The following PPP1CA variants were observed in gnomAD, a reference collection of about 807,000 sequenced individuals.
PPP1CA encodes the protein serine/threonine-protein phosphatase PP1-alpha catalytic subunit.
In PPP1CA, 14 loss-of-function variants were observed where a neutral mutation model predicts 38.5. The ratio of observed to expected loss-of-function variants is 0.36; its 90% CI spans 0.24 to 0.57. The LOEUF is 0.57. Among genes scored for constraint, PPP1CA ranks in the 20% least tolerant of loss-of-function variants. The pLI is 0.80. For synonymous variants in PPP1CA, 200 were observed against 177.3 expected, an observed-to-expected ratio of 1.13 and a Z score of -1.02; for missense variants, 277 against 435.2, an observed-to-expected ratio of 0.64 and a Z score of 3.23.
At chr11:67,400,566 C>T (rs1200467667) in intron 3 of PPP1CA, 123 bp downstream of exon 3, 5 of 986,548 alleles carry the variant, frequency 5.1e-6, no homozygotes, top group East Asian at 5.0e-5. Context: ...ACCTGGGCCC[C>T]GCCTTCGTGG....
chr11:67,401,211 T>C lies in PPP1CA; in HGVS notation c.56-12A>G. 6.2e-7 allele frequency: 1 copy of C among 1,613,476 alleles called. No individual in the cohort carries two copies. On this transcript the variant is annotated splice_polypyrimidine_tract_variant and intron_variant, in intron 1 of 6. Transcript: ENST00000376745. ...CCGCGAGCCCTGCACTGGGGCGCAA[T>C]GGGGTGTCAGGACCCTGGACCCTGA... is the stretch of plus-strand genomic sequence containing the variant.
intron 3 of PPP1CA, 127 bp downstream of exon 3, chr11:67,400,562 G>A (rs1272203088): frequency 1.5e-5 from 14 of 946,400 alleles, no homozygotes; most frequent in Non-Finnish European, 2.3e-5. Context: ...ACGGACCTGG[G>A]CCCCGCCTTC....
At chr11:67,400,969 C>T in intron 2 of PPP1CA, 50 bp from the exon 3 acceptor site, 2 of 1,609,904 alleles carry the variant, frequency 1.2e-6, no homozygotes, top group African/African-American at 2.7e-5. Flanking sequence ...AGACCTGAAC[C>T]CAGGGCCAGG....
Position 67,398,477 on chromosome 11 carries a change from G to T in PPP1CA, c.*58C>A. ...GTCGGGGTGACCCCCCCCCAGCATGGCAGCATGATTTCTGTACAATCAATC... is the reference window on the plus strand; with the variant it reads ...GTCGGGGTGACCCCCCCCCAGCATGTCAGCATGATTTCTGTACAATCAATC... On this transcript the variant is annotated 3_prime_UTR_variant, in exon 7 of 7. Transcript: ENST00000376745. 1 of 1,546,058 alleles carries T rather than the reference G, an allele frequency of 6.5e-7. No homozygotes were observed. The highest frequency in any genetic ancestry group is 8.9e-7 in the Non-Finnish European group (1 of 1,127,500).
chr11:67,400,876 C>G lies in PPP1CA; in HGVS notation c.231G>C (p.Glu77Asp). The change falls in exon 3 of 7, where the codon GAG becomes GAC. Residue 77 changes from glutamate (E) to aspartate (D), a missense_variant. By Grantham distance (45) the Glu-to-Asp change is conservative. This residue lies in a region of PPP1CA where 180 missense variants were observed against 356.7 expected (regional missense o/e 0.50). Coordinates refer to ENST00000376745, the MANE Select transcript of PPP1CA (RefSeq NM_002708.4). ...TGCTCTCGGGAGGGAAACCGCCATA[C>G]TCAAATAGTCGCAGAAGGTCGTAGT... ...GQYYDLLRLF[E>D]YGGFPPESNY... is the part of the protein sequence containing the mutation. 6.2e-7 allele frequency: 1 copy of G among 1,614,144 alleles called. No individual in the cohort carries two copies. Among genetic ancestry groups the G allele is most frequent in the East Asian group, 2.2e-5 (1 of 44,892 alleles).
intron 3 of PPP1CA, 65 bp downstream of exon 3, chr11:67,400,624 G>A: frequency 6.9e-7 from 1 of 1,456,032 alleles, no homozygotes; most frequent in Non-Finnish European, 9.6e-7. Flanking sequence ...CAATGTGAAG[G>A]TCCCACTGAA....
At chr11:67,400,045 G>A (rs1862847036) in intron 3 of PPP1CA, among the ~76,000 whole-genome samples, 1 of 152,214 alleles carries the variant, frequency 6.6e-6, no homozygotes. Flanking sequence ...GCTGAGGCAG[G>A]AGAATCGCTT....
intron 6 of PPP1CA, 37 bp from the exon 7 acceptor site, chr11:67,398,682 AG>A (rs1327980607): frequency 4.3e-6 from 7 of 1,613,370 alleles, no homozygotes; most frequent in Non-Finnish European, 5.9e-6. Flanking sequence ...CATGGGGCTG[AG>A]CCACAGGGCC....
At chr11:67,400,618 G>A in intron 3 of PPP1CA, 71 bp downstream of exon 3, 2 of 1,431,322 alleles carry the variant, frequency 1.4e-6, no homozygotes, top group South Asian at 1.2e-5. Flanking sequence ...TCAGGCCAAT[G>A]TGAAGGTCCC....
At chr11:67,400,474 G>A (rs1862861818) in intron 3 of PPP1CA, among the ~76,000 whole-genome samples, 1 of 152,260 alleles carries the variant, frequency 6.6e-6, no homozygotes, top group Non-Finnish European at 1.5e-5. Flanking sequence ...CTGGGGGAAA[G>A]CACTAGAATC....
Position 67,401,824 on chromosome 11 carries a change from C to G in PPP1CA, c.-42G>C. On this transcript the variant is annotated 5_prime_UTR_variant, in exon 1 of 7. Transcript: ENST00000376745. The stretch of plus-strand genomic sequence containing the variant: ...CAGCCCAGCAGCTCCTGGCCCGCTC[C>G]TGCCTCCCGCCCTCCGGCAGCCTCC... 1.5e-6 allele frequency: 2 copies of G among 1,377,346 alleles called. No individual in the cohort carries two copies. Among genetic ancestry groups the G allele is most frequent in the Non-Finnish European group, 1.9e-6 (2 of 1,054,168 alleles). The allele number at this position is 1,377,346 out of a possible 1,614,324, so 85.3% of individuals were successfully genotyped here.
chr11:67,400,988 C>G, intron 2 of PPP1CA, 69 bp from the exon 3 acceptor site: 4 of 1,608,900 alleles, frequency 2.5e-6, no homozygotes, highest in Non-Finnish European at 3.4e-6. Flanking sequence ...GGACTGCGCT[C>G]AAGGGAGGAG....
chr11:67,401,128 G>A lies in PPP1CA; in HGVS notation c.127C>T (p.Arg43Trp). ...ATGGGCTGGCTCAGAAAAATCTCCCGGGATTTCAGGCACAGACCGCGGATC... is the reference window on the plus strand; with the variant it reads ...ATGGGCTGGCTCAGAAAAATCTCCCAGGATTTCAGGCACAGACCGCGGATC... Reference protein sequence around the residue: ...NEIRGLCLKSREIFLSQPILL... With the variant: ...NEIRGLCLKSWEIFLSQPILL... Residue 43 changes from arginine (R) to tryptophan (W), a missense_variant, in exon 2 of 7, where the codon CGG becomes TGG. Arg to Trp is a moderately radical substitution (Grantham distance 101, BLOSUM62 -3). Around this residue, in one of 3 missense-constraint regions of PPP1CA, gnomAD observed 180 missense variants for 356.7 expected, o/e 0.50. Transcript: ENST00000376745. 1 of 1,613,938 alleles carries A rather than the reference G, an allele frequency of 6.2e-7. No homozygotes were observed. Among genetic ancestry groups the A allele is most frequent in the Non-Finnish European group, 8.5e-7 (1 of 1,179,998 alleles).
chr11:67,400,486 G>A (rs1249054716), intron 3 of PPP1CA, among the ~76,000 whole-genome samples: 3 of 152,220 alleles, frequency 2.0e-5, no homozygotes, highest in African/African-American at 7.2e-5. Context: ...ACTAGAATCC[G>A]GGCAGCCCTT....
At chr11:67,400,591 C>G in intron 3 of PPP1CA, 98 bp downstream of exon 3, 6 of 1,216,706 alleles carry the variant, frequency 4.9e-6, no homozygotes, top group Non-Finnish European at 7.2e-6. Context: ...CACAGTCTAT[C>G]AAGTGTCTGT....
At position 67,401,182 on chromosome 11, in the gene PPP1CA, C is replaced by T; in HGVS notation, c.73G>A (p.Gly25Ser). ...TTCTCTGTCAGCTGTACATTCTTGC[C>T]AGGCCGCGAGCCCTGCACTGGGGCG... ...RLLEVQGSRP[G>S]KNVQLTENEI... The change falls in exon 2 of 7, where the codon GGC becomes AGC. Residue 25 changes from glycine (G) to serine (S), a missense_variant. Coordinates refer to ENST00000376745, the MANE Select transcript of PPP1CA (RefSeq NM_002708.4). The T allele has an allele frequency of 6.2e-7, 1 of 1,613,894 alleles. No homozygotes were observed. The highest frequency in any genetic ancestry group is 8.5e-7 in the Non-Finnish European group (1 of 1,180,002).
In PPP1CA at chr11:67,398,955, G is replaced by T. The variant is rs1487219880; in HGVS notation, c.732C>A (p.Ile244=). The T allele has an allele frequency of 6.2e-7, 1 of 1,613,218 alleles. No homozygotes were observed. Among genetic ancestry groups the T allele is most frequent in the African/African-American group, 1.3e-5 (1 of 74,946 alleles). The part of the protein sequence containing the change: ...KFLHKHDLDL[I]CRAHQVVEDG... ...ACCAGCCCACCTGGTGTGCTCGGCA[G>T]ATGAGGTCCAAGTCGTGCTTGTGGA... is the stretch of plus-strand genomic sequence containing the variant. Residue 244 remains isoleucine (I), a synonymous_variant, in exon 5 of 7, where the codon ATC becomes ATA. Transcript: ENST00000376745.
rs768666709 is a variant in PPP1CA, at chr11:67,398,663, G to A, written c.883-18C>T. 4 of 1,613,792 alleles carry A rather than the reference G, an allele frequency of 2.5e-6. No individual in the cohort carries two copies. Among genetic ancestry groups the A allele is most frequent in the East Asian group, 2.2e-5 (1 of 44,878 alleles). On this transcript the variant is annotated intron_variant, in intron 6 of 6. Coordinates refer to ENST00000376745, the MANE Select transcript of PPP1CA (RefSeq NM_002708.4). ...TTGAGGATCTAAAAGAGACAGTGTT[G>A]GTCAGGCTCATGGGGCTGAGCCACA...
chr11:67,401,329 C>T, intron 1 of PPP1CA, 130 bp from the exon 2 acceptor site: 1 of 1,476,022 alleles, frequency 6.8e-7, no homozygotes, highest in Non-Finnish European at 9.2e-7. Flanking sequence ...GCAGCTGTTG[C>T]TGCTGAGCCT....
Sources: gnomAD v4.1 joint callset for allele counts (sites outside exome capture counted in the v4.1 genomes callset) on GRCh38, gnomAD v4.1.1 for gene constraint, gnomAD v4.1.1 regional missense constraint, MANE v1.5 for transcripts, NCBI Gene and HGNC (gene_info 2026-07-23, HGNC 2026-07-21) for gene names.